The following LRCH3 variants were observed in gnomAD, a reference collection of about 807,000 sequenced individuals.
LRCH3 encodes the protein DISP complex protein LRCH3.
Under a neutral mutation model 104.5 loss-of-function variants are expected in LRCH3, and 68 were observed. The observed-to-expected ratio is 0.65, with a 90% CI of 0.54 to 0.80. LRCH3 has a LOEUF of 0.80. Among genes scored for constraint, LRCH3 ranks in the 30% least tolerant of loss-of-function variants. LRCH3 has a pLI of 0.00. For missense variants in LRCH3, 951 were observed against 953.9 expected, an observed-to-expected ratio of 1.00 and a Z score of 0.04; for synonymous variants, 344 against 361.3, an observed-to-expected ratio of 0.95 and a Z score of 0.54.
At chr3:197,876,649 T>C (rs557133854) in intron 20 of LRCH3, among the ~76,000 whole-genome samples, 1 of 152,330 alleles carries the variant, frequency 6.6e-6, no homozygotes, top group East Asian at 1.9e-4. Flanking sequence ...ATTACAAGTC[T>C]TGTTAACATA....
At chr3:197,870,506 C>T (rs1488359397) in intron 18 of LRCH3, among the ~76,000 whole-genome samples, 1 of 152,130 alleles carries the variant, frequency 6.6e-6, no homozygotes, top group Non-Finnish European at 1.5e-5. Context: ...GCTGGGATTA[C>T]AGGCGCCCAT....
intron 12 of LRCH3, chr3:197,848,231 G>A (rs1025288222): frequency 1.9e-6 from 1 of 518,122 alleles, no homozygotes; most frequent in African/African-American, 1.9e-5. Flanking sequence ...TCTGTCATTG[G>A]ACATGTCACT....
intron 2 of LRCH3, among the ~76,000 whole-genome samples, 196 bp downstream of exon 2, chr3:197,815,248 G>C (rs571768068): frequency 6.6e-6 from 1 of 152,132 alleles, no homozygotes; most frequent in South Asian, 2.1e-4. Flanking sequence ...CAGTACAGAT[G>C]CTCCCTGACT....
At chr3:197,880,103 GC>G (rs1713568131) in intron 20 of LRCH3, among the ~76,000 whole-genome samples, 3 of 149,116 alleles carry the variant, frequency 2.0e-5, no homozygotes, top group African/African-American at 5.0e-5. Flanking sequence ...CCGCCACCAC[GC>G]CCGGCTAATT....
At chr3:197,798,131 T>G (rs1731471868) in intron 1 of LRCH3, among the ~76,000 whole-genome samples, 1 of 152,020 alleles carries the variant, frequency 6.6e-6, no homozygotes, top group African/African-American at 2.4e-5. Context: ...TGTGGTGGAA[T>G]GCATCTGTAG....
In LRCH3 at chr3:197,865,417, C is replaced by T. The variant is rs917435355; in HGVS notation, c.1717-6C>T. 6.4e-6 allele frequency: 10 copies of T among 1,554,874 alleles called. No individual in the cohort carries two copies. The Admixed American group carries it at 1.8e-4, about 28-fold the overall frequency. On this transcript the variant is annotated splice_region_variant and splice_polypyrimidine_tract_variant and intron_variant, in intron 15 of 20. Coordinates refer to ENST00000425562, the MANE Select transcript of LRCH3 (RefSeq NM_001365715.1). ...CAATTATTGATATATGTCTGTTTCT[C>T]CACAGAGTGATGACAGACCTAATGC...
intron 7 of LRCH3, chr3:197,831,091 T>A (rs1560553094): frequency 2.5e-6 from 1 of 405,502 alleles, no homozygotes; most frequent in African/African-American, 2.0e-5. Context: ...ATGGAAATAG[T>A]TTCATATCAT....
chr3:197,852,751 T>C, intron 13 of LRCH3, 131 bp downstream of exon 13: 2 of 898,762 alleles, frequency 2.2e-6, no homozygotes, highest in South Asian at 1.5e-5. Context: ...CACAATATTC[T>C]CCTTATGAGG....
intron 19 of LRCH3, among the ~76,000 whole-genome samples, chr3:197,873,396 C>T (rs1012817515): frequency 6.6e-6 from 1 of 152,132 alleles, no homozygotes; most frequent in African/African-American, 2.4e-5. Context: ...CCCTTAAGCC[C>T]ATAGCCAGTG....
intron 20 of LRCH3, among the ~76,000 whole-genome samples, chr3:197,879,160 G>T (rs1046057390): frequency 1.3e-5 from 2 of 152,178 alleles, no homozygotes; most frequent in Non-Finnish European, 1.5e-5. Flanking sequence ...ACTTGTATCT[G>T]AGTCCAGTAT....
At chr3:197,797,679 G>A (rs473545) in intron 1 of LRCH3, among the ~76,000 whole-genome samples, 112,446 of 151,738 alleles carry the variant, frequency 0.74, 43,724 homozygotes, top group East Asian at 0.94. Flanking sequence ...TGCCCAACAC[G>A]GTGAAACCCC....
intron 1 of LRCH3, among the ~76,000 whole-genome samples, chr3:197,793,571 G>A (rs1402074345): frequency 6.6e-6 from 1 of 152,210 alleles, no homozygotes; most frequent in Non-Finnish European, 1.5e-5. Flanking sequence ...CTGCTTTTCA[G>A]TAGGTCTAGG....
chr3:197,873,011 C>T (rs951545838), intron 19 of LRCH3, among the ~76,000 whole-genome samples: 4 of 152,252 alleles, frequency 2.6e-5, no homozygotes, highest in South Asian at 2.1e-4. Context: ...GATCTGTGAC[C>T]GACCTCAGGT....
intron 12 of LRCH3, chr3:197,850,538 G>A (rs1319471611): frequency 5.7e-5 from 90 of 1,590,270 alleles, no homozygotes; most frequent in Non-Finnish European, 7.5e-5. Context: ...GAGAGCTCAT[G>A]TATGGGTTAA....
intron 4 of LRCH3, among the ~76,000 whole-genome samples, chr3:197,825,129 G>A (rs1735004939): frequency 2.0e-5 from 3 of 152,136 alleles, no homozygotes; most frequent in African/African-American, 4.8e-5. Context: ...CACTTTCAGT[G>A]TTTAAAATTG....
rs1734366329 is a variant in LRCH3, at chr3:197,820,524, A to G, written c.640+94A>G. 6 of 837,454 alleles carry G rather than the reference A, an allele frequency of 7.2e-6. No homozygotes were observed. In the South Asian group the frequency reaches 8.0e-5, roughly 11 times the overall value. The allele number at this position is 837,454 out of a possible 1,614,324, so 51.9% of individuals were successfully genotyped here. A position where few individuals can be genotyped will look rare whatever the true frequency, so the allele number is the denominator to read the frequency against. Reference sequence around the variant, plus strand: ...CAAGACAAAAATGTATAAGGGTTACATCTAGGCTGGGCGCTGTGGCTCCTG... The same window carrying G: ...CAAGACAAAAATGTATAAGGGTTACGTCTAGGCTGGGCGCTGTGGCTCCTG... On this transcript the variant is annotated intron_variant, in intron 4 of 20. Transcript: ENST00000425562.
chr3:197,794,047 A>T (rs1285358987), intron 1 of LRCH3, among the ~76,000 whole-genome samples: 1 of 152,208 alleles, frequency 6.6e-6, no homozygotes, highest in Non-Finnish European at 1.5e-5. Context: ...TCCCCACTTT[A>T]CATGTGAGGG....
chr3:197,882,271 C>A (rs562142789), intron 20 of LRCH3: 1 of 985,212 alleles, frequency 1.0e-6, no homozygotes, highest in African/African-American at 1.7e-5. Context: ...ACGTCTCTTC[C>A]GACAGCAAAA....
chr3:197,883,213 A>G lies in LRCH3; in HGVS notation c.2209-328A>G. 1.9e-6 allele frequency: 2 copies of G among 1,029,602 alleles called. No homozygotes were observed. Among genetic ancestry groups the G allele is most frequent in the Non-Finnish European group, 2.3e-6 (2 of 858,366 alleles). 63.8% of individuals were successfully genotyped at this position (1,029,602 alleles called of 1,614,324 possible). ...CTGCCTATTTTATAGACCTGTATTG[A>G]CCTTTTATTCATCAGGGATAAAGGA... is the stretch of plus-strand genomic sequence containing the variant. On this transcript the variant is annotated intron_variant, in intron 20 of 20. Coordinates refer to ENST00000425562, the MANE Select transcript of LRCH3 (RefSeq NM_001365715.1). The surrounding 1 kb of genome is among the most constrained non-coding windows in gnomAD (Gnocchi z 4.2).
Sources: allele counts gnomAD v4.1 joint callset (sites outside exome capture counted in the v4.1 genomes callset), GRCh38; gene constraint gnomAD v4.1.1; non-coding constraint Gnocchi (gnomAD v3.1); transcripts MANE v1.5; gene names NCBI Gene and HGNC (gene_info 2026-07-23, HGNC 2026-07-21).